CTNND2: variants seen among roughly 807,000 people sequenced by gnomAD.
CTNND2 encodes catenin delta-2.
In CTNND2, 22 loss-of-function variants were observed where a neutral mutation model predicts 144.4. The observed-to-expected ratio is 0.15, with a 90% CI of 0.11 to 0.22. The LOEUF (loss-of-function observed/expected upper bound fraction) is 0.22. CTNND2 is among the 10% of genes least tolerant of loss of function. The pLI, the probability that CTNND2 is intolerant of heterozygous loss-of-function variation, is 1.00. For synonymous variants in CTNND2, 751 were observed against 695.6 expected, an observed-to-expected ratio of 1.08 and a Z score of -1.25; for missense variants, 1,353 against 1,618.8, an observed-to-expected ratio of 0.84 and a Z score of 2.82.
At chr5:11,241,438 T>TTA (rs1241895828) in intron 9 of CTNND2, among the ~76,000 whole-genome samples, 1 of 152,198 alleles carries the variant, frequency 6.6e-6, no homozygotes, top group Admixed American at 6.5e-5. Flanking sequence ...TCCTCTGGCC[T>TTA]TAAACCAGCT....
chr5:11,605,034 C>T lies in CTNND2; in HGVS notation c.175-39978G>A, dbSNP rs188921930. 2.6e-5 allele frequency among the ~76,000 whole-genome samples: 4 copies of T among 152,300 alleles called. No individual in the cohort carries two copies. In the East Asian group the frequency reaches 7.7e-4, roughly 29 times the overall value. Reference sequence around the variant, plus strand: ...AGGATTCCTTGGAGAGGTTGCTGAACTCATCTTAAATAAAGTTCCTTTATT... The same window carrying T: ...AGGATTCCTTGGAGAGGTTGCTGAATTCATCTTAAATAAAGTTCCTTTATT... On this transcript the variant is annotated intron_variant, in intron 2 of 21. Coordinates refer to ENST00000304623, the MANE Select transcript of CTNND2 (RefSeq NM_001332.4).
At chr5:11,700,013 A>C (rs1204577001) in intron 2 of CTNND2, among the ~76,000 whole-genome samples, 1 of 152,190 alleles carries the variant, frequency 6.6e-6, no homozygotes, top group Non-Finnish European at 1.5e-5. Flanking sequence ...GGGTTTTAAA[A>C]TATGTGTGTG....
At chr5:11,808,458 C>A (rs57890031) in intron 1 of CTNND2, among the ~76,000 whole-genome samples, 15,151 of 152,186 alleles carry the variant, frequency 0.1, 1,786 homozygotes, top group African/African-American at 0.28. Flanking sequence ...TCTGGGAATT[C>A]TTTAATTTAG....
At chr5:11,692,084 A>G (rs988770756) in intron 2 of CTNND2, among the ~76,000 whole-genome samples, 3 of 152,208 alleles carry the variant, frequency 2.0e-5, no homozygotes, top group Non-Finnish European at 4.4e-5. Context: ...TCTAAGAAAC[A>G]CCATACATCT....
intron 9 of CTNND2, among the ~76,000 whole-genome samples, chr5:11,276,214 C>T (rs1229884625): frequency 6.6e-6 from 1 of 152,090 alleles, no homozygotes; most frequent in African/African-American, 2.4e-5. Context: ...AAGATGGTGG[C>T]CACTTAGTAA....
At chr5:10,976,054 G>A (rs1332591317) in intron 21 of CTNND2, among the ~76,000 whole-genome samples, 3 of 151,996 alleles carry the variant, frequency 2.0e-5, no homozygotes, top group African/African-American at 7.3e-5. Context: ...CCAAAAGTGT[G>A]TACAAATGAA....
In CTNND2 at chr5:11,022,933, G is replaced by C; in HGVS notation, c.2835C>G (p.Asn945Lys). Residue 945 changes from asparagine to lysine, a missense_variant, in exon 17 of 22, where the codon AAC (asparagine) becomes AAG (lysine). Around this residue, in one of 4 missense-constraint regions of CTNND2, gnomAD observed 459 missense variants for 674.3 expected, o/e 0.68. Coordinates refer to ENST00000304623, the MANE Select transcript of CTNND2 (RefSeq NM_001332.4). The stretch of plus-strand genomic sequence containing the variant: ...CCTTGCTTGCAGTGTTGTTGCTGTT[G>C]TTCCCTCCTGGAAGCCTGTGGACTA... ...RDLVHRLPGG[N>K]NSNNTASKAM... 8 of 1,614,202 alleles carry C rather than the reference G, an allele frequency of 5.0e-6. No homozygotes were observed. The highest frequency in any genetic ancestry group is 6.8e-6 in the Non-Finnish European group (8 of 1,180,024).
intron 1 of CTNND2, among the ~76,000 whole-genome samples, chr5:11,805,669 C>T (rs1389454328): frequency 6.6e-6 from 1 of 151,646 alleles, no homozygotes; most frequent in Non-Finnish European, 1.5e-5. Flanking sequence ...AAATAAATAT[C>T]CATGTGTCTA....
chr5:11,507,364 C>G (rs574308844), intron 3 of CTNND2, among the ~76,000 whole-genome samples: 4 of 152,174 alleles, frequency 2.6e-5, no homozygotes, highest in Non-Finnish European at 5.9e-5. Context: ...TTAAGCTATA[C>G]AATCAAGAGC....
intron 2 of CTNND2, among the ~76,000 whole-genome samples, chr5:11,566,655 C>G (rs914567774): frequency 1.3e-5 from 2 of 152,186 alleles, no homozygotes; most frequent in Non-Finnish European, 2.9e-5. Flanking sequence ...GCCCACTTTC[C>G]TGTGTTACCG....
At chr5:11,379,750 C>T (rs1758291833) in intron 7 of CTNND2, among the ~76,000 whole-genome samples, 1 of 152,086 alleles carries the variant, frequency 6.6e-6, no homozygotes, top group Non-Finnish European at 1.5e-5. Flanking sequence ...ATTCTCTGCC[C>T]ATTTTTTCTT....
At chr5:11,047,397 T>G (rs1229648275) in intron 16 of CTNND2, among the ~76,000 whole-genome samples, 2 of 152,140 alleles carry the variant, frequency 1.3e-5, no homozygotes, top group African/African-American at 4.8e-5. Context: ...AGGCATTGTT[T>G]TGGGGTCTGA....
intron 9 of CTNND2, among the ~76,000 whole-genome samples, chr5:11,316,904 G>A (rs1369678960): frequency 6.6e-6 from 1 of 152,060 alleles, no homozygotes; most frequent in South Asian, 2.1e-4. Flanking sequence ...TGGACATTTG[G>A]GTTGGTTCCA....
rs187539772 is a variant in CTNND2, at chr5:11,456,758, T to C, written c.288-44689A>G. Among the ~76,000 whole-genome samples, 20 of 152,320 alleles carry C rather than the reference T, an allele frequency of 1.3e-4. No individual in the cohort carries two copies. In the East Asian group the frequency reaches 3.5e-3, roughly 26 times the overall value. On this transcript the variant is annotated intron_variant, in intron 3 of 21. Coordinates refer to ENST00000304623, the MANE Select transcript of CTNND2 (RefSeq NM_001332.4). Reference sequence around the variant, plus strand: ...TAAAGCTTTCAATATATTGTATTTTTCCATTGAATGCTGCTAAGTATAATT... The same window carrying C: ...TAAAGCTTTCAATATATTGTATTTTCCCATTGAATGCTGCTAAGTATAATT...
chr5:11,116,381 A>T (rs1753548412), intron 13 of CTNND2, among the ~76,000 whole-genome samples: 1 of 152,246 alleles, frequency 6.6e-6, no homozygotes, highest in East Asian at 1.9e-4. Flanking sequence ...CAAGACAGTC[A>T]CATGACAAAG....
chr5:10,994,230 G>A (rs546819004), intron 18 of CTNND2, among the ~76,000 whole-genome samples: 53 of 121,962 alleles, frequency 4.3e-4, no homozygotes, highest in Middle Eastern at 3.8e-3. Context: ...GGATAGACGA[G>A]CAGGGGCGGG....
At chr5:10,986,309 C>G (rs1737947738) in intron 20 of CTNND2, among the ~76,000 whole-genome samples, 1 of 152,198 alleles carries the variant, frequency 6.6e-6, no homozygotes, top group East Asian at 1.9e-4. Flanking sequence ...ACACCCACAC[C>G]TGAAGGCCTT....
intron 1 of CTNND2, among the ~76,000 whole-genome samples, chr5:11,749,736 C>T (rs948910708): frequency 6.6e-6 from 1 of 151,736 alleles, no homozygotes; most frequent in African/African-American, 2.4e-5. Flanking sequence ...TTTTTGGACA[C>T]GGATATCTTC....
At chr5:11,117,753 G>A (rs2149695140) in intron 12 of CTNND2, among the ~76,000 whole-genome samples, 186 bp from the exon 13 acceptor site, 1 of 152,284 alleles carries the variant, frequency 6.6e-6, no homozygotes, top group East Asian at 1.9e-4. Context: ...AGTTGGGTAA[G>A]TCACAGATGT....
Sources: gnomAD v4.1 joint callset for allele counts (sites outside exome capture counted in the v4.1 genomes callset) on GRCh38, gnomAD v4.1.1 for gene constraint, gnomAD v4.1.1 regional missense constraint, MANE v1.5 for transcripts, NCBI Gene and HGNC (gene_info 2026-07-23, HGNC 2026-07-21) for gene names.